The following CSTPP1 variants were observed in gnomAD, a reference collection of about 807,000 sequenced individuals.
CSTPP1 encodes the protein centriolar satellite-associated tubulin polyglutamylase complex regulator 1, also known as UPF0705 protein C11orf49.
At chr11:47,147,940 A>T in the CSTPP1 span, among the ~76,000 whole-genome samples, 1 of 151,944 alleles carries the variant, frequency 6.6e-6, no homozygotes. Flanking sequence ...TGTTTCCCAC[A>T]CCCTCTGGAT....
the CSTPP1 span, among the ~76,000 whole-genome samples, chr11:46,967,629 T>C: frequency 1.3e-5 from 2 of 152,090 alleles, no homozygotes; most frequent in African/African-American, 2.4e-5. Flanking sequence ...AATATTAGAC[T>C]CTTAGGAGGA....
At chr11:47,115,512 A>T in the CSTPP1 span, among the ~76,000 whole-genome samples, 795 of 152,320 alleles carry the variant, frequency 5.2e-3, 13 homozygotes, top group African/African-American at 0.018. Flanking sequence ...CTATTCAGAC[A>T]TTCAACTTCT....
chr11:46,975,501 T>C, the CSTPP1 span, among the ~76,000 whole-genome samples: 1 of 152,170 alleles, frequency 6.6e-6, no homozygotes, highest in Non-Finnish European at 1.5e-5. Context: ...AGGGGGTACA[T>C]TGGTTTAATT....
the CSTPP1 span, among the ~76,000 whole-genome samples, chr11:47,145,510 G>A: frequency 6.6e-6 from 1 of 152,100 alleles, no homozygotes; most frequent in East Asian, 2.0e-4. Context: ...TACTCAGGAG[G>A]CTGAGGCAGG....
the CSTPP1 span, among the ~76,000 whole-genome samples, chr11:47,151,778 C>T: frequency 6.6e-6 from 1 of 151,760 alleles, no homozygotes; most frequent in African/African-American, 2.4e-5. Flanking sequence ...GATCCAGCCA[C>T]ATGTCCCCCA....
chr11:47,161,189 C>CTGTAAG, the CSTPP1 span: 1 of 1,614,232 alleles, frequency 6.2e-7, no homozygotes, highest in South Asian at 1.1e-5. Flanking sequence ...GCTGGAACGG[C>CTGTAAG]TGTAAGTGTC....
chr11:47,161,520 G>A, the CSTPP1 span: 4 of 1,614,042 alleles, frequency 2.5e-6, no homozygotes, highest in Non-Finnish European at 3.4e-6. Flanking sequence ...GAGGCCAGTT[G>A]CCTGCCTTCC....
At chr11:46,985,308 C>T in the CSTPP1 span, among the ~76,000 whole-genome samples, 1 of 152,156 alleles carries the variant, frequency 6.6e-6, no homozygotes, top group Non-Finnish European at 1.5e-5. Flanking sequence ...GTTTTATGAG[C>T]TTCACTAGAC....
At chr11:47,162,133 A>G in the CSTPP1 span, 7 of 985,952 alleles carry the variant, frequency 7.1e-6, no homozygotes, top group Non-Finnish European at 8.4e-6. Context: ...TGGTAATATG[A>G]AGGGTGGGCC....
the CSTPP1 span, among the ~76,000 whole-genome samples, chr11:47,072,527 G>A: frequency 1.3e-5 from 2 of 152,158 alleles, no homozygotes; most frequent in African/African-American, 2.4e-5. Flanking sequence ...CTTGAAGAAG[G>A]AATGTGAGGA....
chr11:47,116,587 T>G, the CSTPP1 span, among the ~76,000 whole-genome samples: 1 of 152,048 alleles, frequency 6.6e-6, no homozygotes, highest in African/African-American at 2.4e-5. Context: ...CTTCTTTGTC[T>G]CTTTTGATCT....
the CSTPP1 span, among the ~76,000 whole-genome samples, chr11:46,938,761 C>CTT: frequency 8.1e-6 from 1 of 123,594 alleles, no homozygotes; most frequent in African/African-American, 3.5e-5. Flanking sequence ...CCATGCACAT[C>CTT]TTTTTTTTTT....
the CSTPP1 span, among the ~76,000 whole-genome samples, chr11:47,038,088 TGGCCGGGCGGGG>T: frequency 1.2e-5 from 1 of 85,306 alleles, no homozygotes; most frequent in Admixed American, 1.3e-4. Context: ...ATGGGGCGGC[TGGCCGGGCGGGG>T]GGCTGACCCC....
At chr11:47,139,009 A>C in the CSTPP1 span, among the ~76,000 whole-genome samples, 4 of 151,070 alleles carry the variant, frequency 2.6e-5, no homozygotes, top group Admixed American at 2.0e-4. Flanking sequence ...AAAAAAAAAA[A>C]AAACCTGAGC....
chr11:47,002,502 C>T, the CSTPP1 span, among the ~76,000 whole-genome samples: 3 of 152,154 alleles, frequency 2.0e-5, no homozygotes, highest in Non-Finnish European at 4.4e-5. Flanking sequence ...CAGCACTTGA[C>T]CTGGTAATGG....
the CSTPP1 span, among the ~76,000 whole-genome samples, chr11:47,028,575 TAAGA>T: frequency 6.6e-6 from 1 of 152,226 alleles, no homozygotes; most frequent in African/African-American, 2.4e-5. Context: ...TATCACTATA[TAAGA>T]AAGAAGCTGG....
chr11:47,127,112 G>T, the CSTPP1 span, among the ~76,000 whole-genome samples: 8 of 152,150 alleles, frequency 5.3e-5, no homozygotes, highest in Admixed American at 6.5e-5. Flanking sequence ...ATCATAGGGA[G>T]CCAGTCTGTG....
chr11:46,992,179 G>A, the CSTPP1 span, among the ~76,000 whole-genome samples: 1 of 151,756 alleles, frequency 6.6e-6, no homozygotes, highest in African/African-American at 2.4e-5. Context: ...TCTAGATTTT[G>A]TTATAATAAG....
At chr11:47,038,105 G>C in the CSTPP1 span, among the ~76,000 whole-genome samples, 3 of 57,640 alleles carry the variant, frequency 5.2e-5, no homozygotes, top group Non-Finnish European at 1.3e-4. Flanking sequence ...GCGGGGGGCT[G>C]ACCCCCCCAC....
Sources: gnomAD v4.1 joint callset for allele counts (sites outside exome capture counted in the v4.1 genomes callset) on GRCh38, gnomAD v4.1.1 for gene constraint, MANE v1.5 for transcripts, NCBI Gene and HGNC (gene_info 2026-07-23, HGNC 2026-07-21) for gene names.